NOL4: variants seen among roughly 807,000 people sequenced by gnomAD.
NOL4 encodes nucleolar protein 4.
Under a neutral mutation model 75.9 loss-of-function variants are expected in NOL4, and 17 were observed. That is an observed-to-expected ratio of 0.22 (90% CI 0.15 to 0.34). NOL4 has a LOEUF of 0.34. Ranked by LOEUF, NOL4 falls within the 10% of genes least tolerant of loss-of-function variation. The pLI, the probability that NOL4 is intolerant of heterozygous loss-of-function variation, is 1.00. For missense variants in NOL4, 614 were observed against 793.5 expected, an observed-to-expected ratio of 0.77 and a Z score of 2.72; for synonymous variants, 292 against 289.9, an observed-to-expected ratio of 1.01 and a Z score of -0.07.
intron 1 of NOL4, chr18:34,222,243 C>G: frequency 1.4e-6 from 2 of 1,402,222 alleles, no homozygotes; most frequent in Non-Finnish European, 1.8e-6. Context: ...GAAAAAGGAA[C>G]AAATACACAC....
chr18:34,072,992 G>A (rs2145284906), intron 5 of NOL4, among the ~76,000 whole-genome samples: 1 of 152,188 alleles, frequency 6.6e-6, no homozygotes. Flanking sequence ...TTAGCTATGA[G>A]GAGTTTAAAA....
At chr18:33,983,630 A>C (rs1381828005) in intron 6 of NOL4, among the ~76,000 whole-genome samples, 1 of 152,122 alleles carries the variant, frequency 6.6e-6, no homozygotes, top group Non-Finnish European at 1.5e-5. Context: ...ATACACATAT[A>C]TGCACACATA....
intron 1 of NOL4, among the ~76,000 whole-genome samples, chr18:34,214,334 G>A (rs1244497619): frequency 6.9e-6 from 1 of 144,122 alleles, no homozygotes; most frequent in Non-Finnish European, 1.5e-5. Flanking sequence ...GTTAAGTATT[G>A]GTAGAGTGTT....
chr18:33,896,797 C>T (rs943596763), intron 9 of NOL4, among the ~76,000 whole-genome samples: 3 of 151,938 alleles, frequency 2.0e-5, no homozygotes, highest in Non-Finnish European at 4.4e-5. Context: ...AAGAGCTTCT[C>T]CACTGCAAAA....
intron 2 of NOL4, among the ~76,000 whole-genome samples, chr18:34,127,408 A>G (rs146053448): frequency 1.3e-5 from 2 of 152,028 alleles, no homozygotes; most frequent in East Asian, 3.9e-4. Flanking sequence ...ATGTAGGAAA[A>G]AGGAGAAAAA....
chr18:33,904,756 A>G (rs1041253551), intron 9 of NOL4, among the ~76,000 whole-genome samples: 4 of 152,154 alleles, frequency 2.6e-5, no homozygotes, highest in Admixed American at 1.3e-4. Context: ...TAGGAGTCCC[A>G]GTACAATTGA....
chr18:34,042,009 C>G (rs761995085), intron 5 of NOL4, among the ~76,000 whole-genome samples: 1 of 151,936 alleles, frequency 6.6e-6, no homozygotes, highest in Non-Finnish European at 1.5e-5. Context: ...AATATAGGTT[C>G]AGGCAGCAAT....
intron 1 of NOL4, among the ~76,000 whole-genome samples, chr18:34,187,959 G>T (rs1222231920): frequency 4.6e-5 from 7 of 152,078 alleles, no homozygotes; most frequent in Non-Finnish European, 8.8e-5. Flanking sequence ...GAGTTGTATT[G>T]CTCCACATCC....
intron 1 of NOL4, among the ~76,000 whole-genome samples, chr18:34,173,900 T>C (rs544374244): frequency 4.6e-5 from 7 of 152,340 alleles, no homozygotes; most frequent in Non-Finnish European, 1.0e-4. Flanking sequence ...CTAATGTGAA[T>C]GATATAATAT....
chr18:33,874,288 C>T (rs2063832140), intron 10 of NOL4, among the ~76,000 whole-genome samples: 1 of 151,846 alleles, frequency 6.6e-6, no homozygotes, highest in Non-Finnish European at 1.5e-5. Flanking sequence ...GAAAAATTAT[C>T]TGAGAAGCAC....
intron 6 of NOL4, among the ~76,000 whole-genome samples, chr18:33,966,445 A>C (rs1188451421): frequency 6.6e-6 from 1 of 152,204 alleles, no homozygotes; most frequent in Non-Finnish European, 1.5e-5. Context: ...AGTCCTAGCC[A>C]GAGCAATCAG....
At chr18:34,140,215 T>C (rs1600705939) in intron 1 of NOL4, among the ~76,000 whole-genome samples, 1 of 152,146 alleles carries the variant, frequency 6.6e-6, no homozygotes, top group East Asian at 1.9e-4. Context: ...CAGAGCTGAG[T>C]TCGATTCCTG....
chr18:34,169,870 C>A (rs1465203343), intron 1 of NOL4, among the ~76,000 whole-genome samples: 1 of 152,102 alleles, frequency 6.6e-6, no homozygotes, highest in African/African-American at 2.4e-5. Context: ...GAATTAAGGA[C>A]AAAATTTTAC....
At chr18:33,952,362 C>T (rs1157876500) in intron 8 of NOL4, among the ~76,000 whole-genome samples, 1 of 152,114 alleles carries the variant, frequency 6.6e-6, no homozygotes, top group Non-Finnish European at 1.5e-5. Context: ...AACCAAGAGA[C>T]AACCCATTGA....
At chr18:34,031,554 T>C (rs779860251) in intron 5 of NOL4, among the ~76,000 whole-genome samples, 5 of 152,232 alleles carry the variant, frequency 3.3e-5, no homozygotes, top group Non-Finnish European at 7.3e-5. Context: ...AGCTTCAAGA[T>C]GGTTGCCTAG....
intron 5 of NOL4, among the ~76,000 whole-genome samples, chr18:34,038,175 T>C (rs1421904620): frequency 6.6e-6 from 1 of 151,974 alleles, no homozygotes; most frequent in Non-Finnish European, 1.5e-5. Flanking sequence ...GAAATGCAAA[T>C]CAAAACCACA....
intron 10 of NOL4, 137 bp from the exon 11 acceptor site, chr18:33,853,172 C>T (rs1043553122): frequency 1.1e-5 from 8 of 720,482 alleles, no homozygotes; most frequent in Non-Finnish European, 1.7e-5. Context: ...TAATCAAATA[C>T]ATCTACTCTC....
intron 5 of NOL4, among the ~76,000 whole-genome samples, chr18:34,049,563 C>T (rs1055853893): frequency 1.3e-5 from 2 of 151,976 alleles, no homozygotes; most frequent in Middle Eastern, 3.2e-3. Context: ...GTTTTCCCCT[C>T]CCAGCAGCAG....
intron 6 of NOL4, among the ~76,000 whole-genome samples, chr18:34,010,500 A>G (rs941389889): frequency 6.6e-6 from 1 of 151,898 alleles, no homozygotes; most frequent in Non-Finnish European, 1.5e-5. Context: ...AATTTCCTTT[A>G]GAAATATATC....
Sources: allele counts gnomAD v4.1 joint callset (sites outside exome capture counted in the v4.1 genomes callset), GRCh38; gene constraint gnomAD v4.1.1; transcripts MANE v1.5; gene names NCBI Gene and HGNC (gene_info 2026-07-23, HGNC 2026-07-21).